Variants in FHOD3 observed in about 807,000 individuals in gnomAD.
The protein encoded by FHOD3 is FH1/FH2 domain-containing protein 3.
In FHOD3, 90 loss-of-function variants were observed where a neutral mutation model predicts 173.0. That is an observed-to-expected ratio of 0.52 (90% CI 0.44 to 0.62). FHOD3 has a LOEUF of 0.62. FHOD3 is among the 20% of genes least tolerant of loss of function. FHOD3 has a pLI of 0.00. For synonymous variants in FHOD3, 828 were observed against 823.0 expected (o/e 1.01, Z -0.10); for missense variants, 1,945 against 2,034.7 (o/e 0.96, Z 0.85).
chr18:36,604,343 T>C (rs918443192), intron 8 of FHOD3, among the ~76,000 whole-genome samples: 1 of 152,150 alleles, frequency 6.6e-6, no homozygotes, highest in Non-Finnish European at 1.5e-5. Context: ...GGGGATAAGT[T>C]TGTAGAAAGC....
At chr18:36,533,537 G>A (rs1255054183) in intron 5 of FHOD3, among the ~76,000 whole-genome samples, 2 of 152,234 alleles carry the variant, frequency 1.3e-5, no homozygotes, top group African/African-American at 2.4e-5. Context: ...CAGAGGGGCC[G>A]GCTGCTGTTA....
chr18:36,421,640 G>A (rs987489017), intron 3 of FHOD3, among the ~76,000 whole-genome samples: 10 of 152,182 alleles, frequency 6.6e-5, no homozygotes, highest in Non-Finnish European at 1.5e-4. Context: ...TGGGTCCAGG[G>A]GTGTTGCTGG....
chr18:36,422,156 C>T (rs1302015634), intron 3 of FHOD3, among the ~76,000 whole-genome samples: 2 of 152,112 alleles, frequency 1.3e-5, no homozygotes, highest in African/African-American at 4.8e-5. Context: ...CCCACTTGGC[C>T]GCCACATGTA....
At chr18:36,340,553 TC>T (rs2045558161) in intron 1 of FHOD3, among the ~76,000 whole-genome samples, 1 of 150,738 alleles carries the variant, frequency 6.6e-6, no homozygotes, top group South Asian at 2.1e-4. Flanking sequence ...GAAGCACTCT[TC>T]CCTTGGTTTG....
intron 5 of FHOD3, among the ~76,000 whole-genome samples, chr18:36,557,039 T>C (rs2057915549): frequency 6.6e-6 from 1 of 152,210 alleles, no homozygotes; most frequent in Non-Finnish European, 1.5e-5. Flanking sequence ...TTTGCTGCCA[T>C]TCTTATATCT....
chr18:36,310,564 G>A (rs777429046), intron 1 of FHOD3, among the ~76,000 whole-genome samples: 3 of 151,884 alleles, frequency 2.0e-5, no homozygotes, highest in African/African-American at 4.8e-5. Context: ...GTGGGTGCCC[G>A]TAATTCCAAT....
At position 36,394,778 on chromosome 18, in the gene FHOD3, C is replaced by A. The variant is rs76502904; in HGVS notation, c.337+22034C>A. Among the ~76,000 whole-genome samples, 205 of 152,276 alleles carry A rather than the reference C, an allele frequency of 1.3e-3. 2 individuals are homozygous for A. In the East Asian group the frequency reaches 0.036, roughly 27 times the overall value. On this transcript the variant is annotated intron_variant, in intron 3 of 28. Transcript: ENST00000590592. ...TGTTGTTGTTGTCGTTAATAGAAAA[C>A]ATTTCAAAACTGCAATTTGAGTGCT...
At chr18:36,335,174 C>T (rs973394748) in intron 1 of FHOD3, among the ~76,000 whole-genome samples, 12 of 152,184 alleles carry the variant, frequency 7.9e-5, no homozygotes, top group Non-Finnish European at 1.2e-4. Flanking sequence ...AATACACTAA[C>T]GCAAAAGGAT....
Position 36,718,203 on chromosome 18 carries a change from C to T in FHOD3, c.2905C>T (p.Pro969Ser). Reference protein sequence around the residue: ...EPNDKVPETAPVQPKTESDYI... With the variant: ...EPNDKVPETASVQPKTESDYI... ...CAATGACAAGGTCCCAGAAACAGCG[C>T]CGGTGCAGCCGAAGACAGAGTCTGA... is the stretch of plus-strand genomic sequence containing the variant. Residue 969 changes from proline (P) to serine (S), a missense_variant, in exon 19 of 29, where the codon CCG (proline) becomes TCG (serine). Physicochemically the swap from Pro to Ser is moderately conservative, Grantham distance 74. Coordinates refer to ENST00000590592, the MANE Select transcript of FHOD3 (RefSeq NM_001281740.3). The T allele has an allele frequency of 3.1e-6, 5 of 1,613,948 alleles. No homozygotes were observed. The highest frequency in any genetic ancestry group is 3.4e-6 in the Non-Finnish European group (4 of 1,179,936).
At chr18:36,415,893 A>T (rs1200255903) in intron 3 of FHOD3, among the ~76,000 whole-genome samples, 1 of 152,198 alleles carries the variant, frequency 6.6e-6, no homozygotes, top group Non-Finnish European at 1.5e-5. Flanking sequence ...TTGGTCTTTG[A>T]TTGATGAAGT....
chr18:36,687,148 G>A lies in FHOD3; in HGVS notation c.1991G>A (p.Arg664Lys), dbSNP rs754525620. The A allele has an allele frequency of 1.9e-6, 3 of 1,611,776 alleles. No individual in the cohort carries two copies. The South Asian group carries it at 3.3e-5, about 18-fold the overall frequency. The part of the protein sequence containing the change: ...NKFSRDYLDK[R>K]EEQRQAREER... ...ATTAGCCGAGATTATTTAGACAAAA[G>A]AGAGGAGCAAAGGCAAGCAAGAGAA... The change falls in exon 16 of 29, where the codon AGA becomes AAA. Residue 664 changes from arginine (R) to lysine (K), a missense_variant. By Grantham distance (26) the Arg-to-Lys change is conservative (BLOSUM62 2). This residue lies in a region of FHOD3 where 1,099 missense variants were observed against 1,051.2 expected (regional missense o/e 1.05). Transcript: ENST00000590592.
At chr18:36,637,057 C>G (rs1263058912) in intron 10 of FHOD3, among the ~76,000 whole-genome samples, 6 of 152,158 alleles carry the variant, frequency 3.9e-5, no homozygotes, top group East Asian at 3.9e-4. Flanking sequence ...GGGTCCACAT[C>G]CATGATAGCT....
chr18:36,368,352 G>A (rs982652756), intron 2 of FHOD3, among the ~76,000 whole-genome samples: 3 of 152,150 alleles, frequency 2.0e-5, no homozygotes, highest in African/African-American at 7.2e-5. Flanking sequence ...ATCTTGAGAG[G>A]TTGTCCATGT....
chr18:36,483,140 T>TG (rs2054018790), intron 3 of FHOD3, among the ~76,000 whole-genome samples: 1 of 152,114 alleles, frequency 6.6e-6, no homozygotes, highest in South Asian at 2.1e-4. Flanking sequence ...TTTGGGATTT[T>TG]GGGGAATTTT....
intron 3 of FHOD3, among the ~76,000 whole-genome samples, chr18:36,383,122 T>A (rs913348867): frequency 1.5e-4 from 23 of 152,296 alleles, no homozygotes; most frequent in African/African-American, 4.3e-4. Context: ...GGGATAGCGT[T>A]GGCCAGCCCT....
At chr18:36,699,660 C>G (rs1015967396) in intron 17 of FHOD3, among the ~76,000 whole-genome samples, 1 of 152,184 alleles carries the variant, frequency 6.6e-6, no homozygotes, top group African/African-American at 2.4e-5. Context: ...CTTCAGCAGC[C>G]CTGCTTTCCC....
chr18:36,638,201 T>C (rs1005280821), intron 10 of FHOD3, among the ~76,000 whole-genome samples: 3 of 152,144 alleles, frequency 2.0e-5, no homozygotes, highest in African/African-American at 7.2e-5. Context: ...GAAAACCTCC[T>C]CAGGCATTTA....
chr18:36,347,197 C>T (rs186326403), intron 1 of FHOD3, among the ~76,000 whole-genome samples: 53 of 152,226 alleles, frequency 3.5e-4, no homozygotes, highest in Middle Eastern at 3.4e-3. Flanking sequence ...TAAAGTGAAA[C>T]GGAAAATGGC....
intron 13 of FHOD3, among the ~76,000 whole-genome samples, chr18:36,654,403 T>A (rs1320888086): frequency 6.6e-6 from 1 of 152,192 alleles, no homozygotes; most frequent in East Asian, 1.9e-4. Context: ...TGTCTACAGT[T>A]TTTTTTACTA....
Sources: gnomAD v4.1 joint callset for allele counts (sites outside exome capture counted in the v4.1 genomes callset) on GRCh38, gnomAD v4.1.1 for gene constraint, gnomAD v4.1.1 regional missense constraint, MANE v1.5 for transcripts, NCBI Gene and HGNC (gene_info 2026-07-23, HGNC 2026-07-21) for gene names.